Variants in VSTM5 observed in about 807,000 individuals in gnomAD.
VSTM5 encodes V-set and transmembrane domain containing 5, also known as V-set and transmembrane domain-containing protein 5.
A neutral mutation model predicts 20.3 loss-of-function variants in VSTM5; 21 were observed. The observed-to-expected ratio is 1.03, with a 90% CI of 0.73 to 1.49. VSTM5 has a LOEUF of 1.49. Among genes scored for constraint, VSTM5 ranks in the 40% most tolerant of loss-of-function variants. The pLI is 0.00. For synonymous variants in VSTM5, 100 were observed against 102.5 expected (o/e 0.98, Z 0.14); for missense variants, 219 against 250.0 (o/e 0.88, Z 0.84).
At chr11:93,842,051 C>T (rs550693119) in intron 1 of VSTM5, among the ~76,000 whole-genome samples, 1 of 152,068 alleles carries the variant, frequency 6.6e-6, no homozygotes, top group African/African-American at 2.4e-5. Flanking sequence ...GTGCTGTGCC[C>T]GCCTCCTGCA....
At chr11:93,840,066 C>G (rs761361349) in intron 1 of VSTM5, among the ~76,000 whole-genome samples, 4 of 152,220 alleles carry the variant, frequency 2.6e-5, no homozygotes, top group African/African-American at 4.8e-5. Context: ...GTCCCTCTTA[C>G]AGGCCTGAGA....
At chr11:93,841,257 A>T (rs1448241958) in intron 1 of VSTM5, among the ~76,000 whole-genome samples, 2 of 143,534 alleles carry the variant, frequency 1.4e-5, no homozygotes, top group East Asian at 2.1e-4. Context: ...ACTTCAAAAG[A>T]GTACTTCTAA....
chr11:93,833,429 A>G (rs1482702439), intron 1 of VSTM5, among the ~76,000 whole-genome samples: 1 of 152,032 alleles, frequency 6.6e-6, no homozygotes, highest in Non-Finnish European at 1.5e-5. Flanking sequence ...AAATACAAAA[A>G]TTAGCTGGGC....
chr11:93,835,812 G>T (rs1423184192), intron 1 of VSTM5, among the ~76,000 whole-genome samples: 1 of 152,190 alleles, frequency 6.6e-6, no homozygotes, highest in Non-Finnish European at 1.5e-5. Context: ...ACAGAACTTG[G>T]TAACACCTAT....
chr11:93,850,199 C>T (rs113417670), intron 1 of VSTM5, among the ~76,000 whole-genome samples: 3 of 152,208 alleles, frequency 2.0e-5, no homozygotes, highest in African/African-American at 7.2e-5. Flanking sequence ...CTGCTTTGCC[C>T]AGCCCCTCCC....
chr11:93,843,890 A>C, intron 1 of VSTM5, among the ~76,000 whole-genome samples: 1 of 151,618 alleles, frequency 6.6e-6, no homozygotes, highest in African/African-American at 2.4e-5. Flanking sequence ...GCCTTTATTC[A>C]CTCAACCTCA....
In VSTM5 at chr11:93,821,485, A is replaced by G. The variant is rs972989435; in HGVS notation, c.92-162T>C. The G allele has an allele frequency of 8.7e-6, 6 of 685,986 alleles. No homozygotes were observed. The Admixed American group carries it at 1.8e-4, about 20-fold the overall frequency. 42.5% of individuals were successfully genotyped at this position (685,986 alleles called of 1,614,324 possible). ...CTTAAGCGATAATGCTGAACAAGAC[A>G]CAAGGCTCCCTGGAGATAGAGCTCT... On this transcript the variant is annotated intron_variant, in intron 1 of 3. Coordinates refer to ENST00000409977, the MANE Select transcript of VSTM5 (RefSeq NM_001144871.2).
At chr11:93,841,587 C>T (rs1944370577) in intron 1 of VSTM5, among the ~76,000 whole-genome samples, 1 of 152,218 alleles carries the variant, frequency 6.6e-6, no homozygotes, top group African/African-American at 2.4e-5. Flanking sequence ...GTTTCTCATT[C>T]AGTAGGGTGA....
At position 93,820,840 on chromosome 11, in the gene VSTM5, A is replaced by G; in HGVS notation, c.462T>C (p.Ala154=). 6.4e-7 allele frequency: 1 copy of G among 1,550,848 alleles called. No individual in the cohort carries two copies. The highest frequency in any genetic ancestry group is 1.2e-5 in the South Asian group (1 of 84,062). The change falls in exon 3 of 4, where the codon GCT becomes GCC. Residue 154 remains alanine (A), a synonymous_variant. Transcript: ENST00000409977. ...ATACTGCGGCCACAGCAGCGAGAAAAGCAAGGATGACAGCGACAAAGTGCA... is the reference window on the plus strand; with the variant it reads ...ATACTGCGGCCACAGCAGCGAGAAAGGCAAGGATGACAGCGACAAAGTGCA... ...EDLHFVAVIL[A]FLAAVAAVLI...
intron 1 of VSTM5, among the ~76,000 whole-genome samples, chr11:93,834,739 T>C (rs1298532): frequency 0.97 from 142,834 of 147,734 alleles, 69,149 homozygotes; most frequent in East Asian, 0.99. Flanking sequence ...GCTGAGATTG[T>C]GCCACTGCAC....
intron 1 of VSTM5, among the ~76,000 whole-genome samples, chr11:93,824,424 A>G (rs887157377): frequency 6.6e-6 from 1 of 152,122 alleles, no homozygotes; most frequent in African/African-American, 2.4e-5. Context: ...TTCAGCACCT[A>G]TTTATGTACC....
chr11:93,830,209 A>G (rs141126446), intron 1 of VSTM5, among the ~76,000 whole-genome samples: 46 of 152,338 alleles, frequency 3.0e-4, no homozygotes, highest in African/African-American at 1.1e-3. Flanking sequence ...GGGCCATGAC[A>G]TGATCTGAAC....
intron 1 of VSTM5, among the ~76,000 whole-genome samples, chr11:93,849,753 G>A (rs1001652446): frequency 6.6e-6 from 1 of 152,220 alleles, no homozygotes; most frequent in Non-Finnish European, 1.5e-5. Context: ...GAGCCTCTGG[G>A]ACTACGCTTC....
intron 1 of VSTM5, among the ~76,000 whole-genome samples, chr11:93,846,379 C>T (rs1944410856): frequency 6.6e-6 from 1 of 152,128 alleles, no homozygotes; most frequent in African/African-American, 2.4e-5. Flanking sequence ...TGTGACTTTC[C>T]AGTTGACTCC....
chr11:93,831,505 C>T (rs1425061379), intron 1 of VSTM5, among the ~76,000 whole-genome samples: 1 of 152,160 alleles, frequency 6.6e-6, no homozygotes, highest in Non-Finnish European at 1.5e-5. Context: ...TCACAGGTAC[C>T]CATACCTCCT....
chr11:93,827,962 C>T (rs1186279097), intron 1 of VSTM5, among the ~76,000 whole-genome samples: 1 of 152,070 alleles, frequency 6.6e-6, no homozygotes, highest in Non-Finnish European at 1.5e-5. Context: ...GGAATTGCCC[C>T]TCAGAGATCA....
chr11:93,848,860 C>T (rs1408734455), intron 1 of VSTM5, among the ~76,000 whole-genome samples: 1 of 152,118 alleles, frequency 6.6e-6, no homozygotes, highest in Admixed American at 6.5e-5. Flanking sequence ...GGTATCTGAA[C>T]AGATGTGTAA....
At chr11:93,823,913 A>AC (rs1591396663) in intron 1 of VSTM5, among the ~76,000 whole-genome samples, 1 of 10,952 alleles carries the variant, frequency 9.1e-5, no homozygotes, top group Non-Finnish European at 1.7e-4. Flanking sequence ...TTTGTATGGC[A>AC]CTTTTTTTTT....
At chr11:93,841,905 C>A (rs192406779) in intron 1 of VSTM5, among the ~76,000 whole-genome samples, 75 of 152,246 alleles carry the variant, frequency 4.9e-4, no homozygotes, top group African/African-American at 1.6e-3. Flanking sequence ...AGAACAGATG[C>A]ATTCATGGAT....
Sources: gnomAD v4.1 joint callset for allele counts (sites outside exome capture counted in the v4.1 genomes callset) on GRCh38, gnomAD v4.1.1 for gene constraint, MANE v1.5 for transcripts, NCBI Gene and HGNC (gene_info 2026-07-23, HGNC 2026-07-21) for gene names.